NRG3: variants seen among roughly 807,000 people sequenced by gnomAD.
The protein encoded by NRG3 is pro-neuregulin-3, membrane-bound isoform.
NRG3 carries 31 observed loss-of-function variants against 66.9 expected under a neutral mutation model. The ratio of observed to expected loss-of-function variants is 0.46; its 90% CI spans 0.35 to 0.63. NRG3 has a LOEUF of 0.63. Among genes scored for constraint, NRG3 ranks in the 20% least tolerant of loss-of-function variants. The pLI, the probability that NRG3 is intolerant of heterozygous loss-of-function variation, is 0.00. For missense variants in NRG3, 910 were observed against 878.9 expected, an observed-to-expected ratio of 1.04 and a Z score of -0.45; for synonymous variants, 393 against 359.4, an observed-to-expected ratio of 1.09 and a Z score of -1.06.
At chr10:82,004,185 AT>A (rs776333489) in intron 1 of NRG3, among the ~76,000 whole-genome samples, 18 of 152,150 alleles carry the variant, frequency 1.2e-4, no homozygotes, top group Non-Finnish European at 2.2e-4. Flanking sequence ...TAAGAATTTT[AT>A]TTTTGTGGAC....
rs116487660 is a variant in NRG3, at chr10:82,777,423, G to A, written c.1027+38773G>A. Among the ~76,000 whole-genome samples, 597 of 152,274 alleles carry A rather than the reference G, an allele frequency of 3.9e-3. 3 individuals carry two copies. Among genetic ancestry groups the A allele is most frequent in the African/African-American group, 0.014 (578 of 41,534 alleles). ...CAAGACACAGGTACTCAGAGTGGCTGTAGAGCTGAGGGCCTGGGCTCAATG... is the reference window on the plus strand; with the variant it reads ...CAAGACACAGGTACTCAGAGTGGCTATAGAGCTGAGGGCCTGGGCTCAATG... On this transcript the variant is annotated intron_variant, in intron 3 of 8. Coordinates refer to ENST00000372141, the MANE Select transcript of NRG3 (RefSeq NM_001010848.4).
chr10:82,021,886 A>G (rs2062079603), intron 1 of NRG3, among the ~76,000 whole-genome samples: 1 of 151,094 alleles, frequency 6.6e-6, no homozygotes, highest in South Asian at 2.1e-4. Flanking sequence ...TTTAAATAAT[A>G]TTGTCAGCAT....
At chr10:82,383,287 A>G (rs976716279) in intron 2 of NRG3, among the ~76,000 whole-genome samples, 1 of 151,720 alleles carries the variant, frequency 6.6e-6, no homozygotes, top group Non-Finnish European at 1.5e-5. Context: ...ATTTGTTTAT[A>G]TCTTCTCTCT....
chr10:82,027,276 A>G lies in NRG3; in HGVS notation c.823+151113A>G, dbSNP rs114546664. Among the ~76,000 whole-genome samples the G allele has an allele frequency of 9.3e-3, 1,412 of 152,212 alleles. 26 individuals are homozygous for G. The highest frequency in any genetic ancestry group is 0.032 in the African/African-American group (1,335 of 41,552). On this transcript the variant is annotated intron_variant, in intron 1 of 8. Transcript: ENST00000372141. Reference sequence around the variant, plus strand: ...TAAAGGGAATATTACAGAAAGGTAAATGTCAGTGTTCTTCTATTCAAATTA... The same window carrying G: ...TAAAGGGAATATTACAGAAAGGTAAGTGTCAGTGTTCTTCTATTCAAATTA...
At chr10:82,581,832 A>G (rs2046373988) in intron 2 of NRG3, among the ~76,000 whole-genome samples, 1 of 152,084 alleles carries the variant, frequency 6.6e-6, no homozygotes, top group Non-Finnish European at 1.5e-5. Context: ...GTTATCTTAT[A>G]GAAGTTTTAT....
At chr10:81,986,698 A>G (rs2060531736) in intron 1 of NRG3, among the ~76,000 whole-genome samples, 1 of 152,156 alleles carries the variant, frequency 6.6e-6, no homozygotes, top group African/African-American at 2.4e-5. Flanking sequence ...TTTTTATTTT[A>G]TTTTAATTTT....
At chr10:82,520,795 T>G (rs952643943) in intron 2 of NRG3, among the ~76,000 whole-genome samples, 3 of 152,204 alleles carry the variant, frequency 2.0e-5, no homozygotes, top group African/African-American at 7.2e-5. Flanking sequence ...CTTTTTCCCC[T>G]AATTAATTCT....
intron 1 of NRG3, among the ~76,000 whole-genome samples, chr10:82,250,402 T>C (rs113511216): frequency 0.015 from 2,276 of 152,028 alleles, 62 homozygotes; most frequent in African/African-American, 0.052. Context: ...CTGGCCAACA[T>C]AGTGAAACCC....
At chr10:82,211,446 G>C (rs2075387720) in intron 1 of NRG3, among the ~76,000 whole-genome samples, 1 of 152,110 alleles carries the variant, frequency 6.6e-6, no homozygotes, top group Non-Finnish European at 1.5e-5. Context: ...CATTTTGTTT[G>C]TTTTGCTTTC....
intron 1 of NRG3, among the ~76,000 whole-genome samples, chr10:81,888,314 A>G (rs928429419): frequency 3.3e-5 from 5 of 152,178 alleles, no homozygotes; most frequent in Non-Finnish European, 5.9e-5. Context: ...TGTTCCTGAT[A>G]TAACACATTG....
At chr10:82,691,636 AT>A (rs1340710878) in intron 2 of NRG3, among the ~76,000 whole-genome samples, 14 of 152,170 alleles carry the variant, frequency 9.2e-5, no homozygotes, top group African/African-American at 3.4e-4. Context: ...CGATCTCTCC[AT>A]TTTATTCTCT....
intron 1 of NRG3, among the ~76,000 whole-genome samples, chr10:82,336,529 CTTT>C (rs11345974): frequency 5.1e-5 from 7 of 137,826 alleles, no homozygotes; most frequent in African/African-American, 8.0e-5. Context: ...CTTTTCTTTT[CTTT>C]TTTTTTTTTT....
intron 3 of NRG3, among the ~76,000 whole-genome samples, chr10:82,838,011 G>A (rs2135726237): frequency 6.6e-6 from 1 of 152,274 alleles, no homozygotes; most frequent in South Asian, 2.1e-4. Flanking sequence ...TATCATCCAG[G>A]AGGAGCAGGA....
At chr10:82,438,905 G>C (rs898214747) in intron 2 of NRG3, among the ~76,000 whole-genome samples, 1 of 151,864 alleles carries the variant, frequency 6.6e-6, no homozygotes. Context: ...TTTGTTGCTG[G>C]TGATGGATTC....
chr10:82,894,211 G>C (rs1482153891), intron 4 of NRG3, among the ~76,000 whole-genome samples: 1 of 152,164 alleles, frequency 6.6e-6, no homozygotes, highest in East Asian at 1.9e-4. Context: ...AATATCACTT[G>C]ATCATTATTC....
intron 1 of NRG3, among the ~76,000 whole-genome samples, chr10:81,995,559 T>G (rs4933814): frequency 0.18 from 27,257 of 152,214 alleles, 3,116 homozygotes; most frequent in East Asian, 0.42. Flanking sequence ...CTTTTCTGCT[T>G]CTTGTGATTA....
At chr10:82,979,579 T>C (rs1852634875) in intron 8 of NRG3, among the ~76,000 whole-genome samples, 1 of 150,660 alleles carries the variant, frequency 6.6e-6, no homozygotes, top group Non-Finnish European at 1.5e-5. Context: ...TGGGTCAATG[T>C]TGAGAGTGTA....
chr10:82,333,979 G>A (rs1186735631), intron 1 of NRG3, among the ~76,000 whole-genome samples: 2 of 151,968 alleles, frequency 1.3e-5, no homozygotes, highest in Non-Finnish European at 2.9e-5. Context: ...CACGAGGTCA[G>A]GAGATGGAGA....
intron 1 of NRG3, among the ~76,000 whole-genome samples, chr10:82,244,864 G>A (rs2077166542): frequency 6.6e-6 from 1 of 151,990 alleles, no homozygotes; most frequent in Admixed American, 6.6e-5. Flanking sequence ...CACCTGAGTA[G>A]CTGGGACTAC....
Sources: gnomAD v4.1 joint callset for allele counts (sites outside exome capture counted in the v4.1 genomes callset) on GRCh38, gnomAD v4.1.1 for gene constraint, MANE v1.5 for transcripts, NCBI Gene and HGNC (gene_info 2026-07-23, HGNC 2026-07-21) for gene names.